The following MYO9A variants were observed in gnomAD, a reference collection of about 807,000 sequenced individuals.
MYO9A encodes myosin IXA.
MYO9A carries 103 observed loss-of-function variants against 293.3 expected under a neutral mutation model. The ratio of observed to expected loss-of-function variants is 0.35; its 90% CI spans 0.30 to 0.41. The LOEUF (loss-of-function observed/expected upper bound fraction) is 0.41, where lower values mean the gene tolerates loss of function less well. Ranked by LOEUF, MYO9A falls within the 10% of genes least tolerant of loss-of-function variation. The pLI is 1.00. For missense variants in MYO9A, 2,685 were observed against 3,033.0 expected (o/e 0.89, Z 2.69); for synonymous variants, 1,001 against 1,035.7 (o/e 0.97, Z 0.64).
rs191490235 is a variant in MYO9A at position 71,994,558 on chromosome 15, T to C, written c.1498A>G (p.Lys500Glu). The C allele has an allele frequency of 5.6e-6, 9 of 1,607,234 alleles. No homozygotes were observed. The Admixed American group carries it at 8.6e-5, about 15-fold the overall frequency. The part of the protein sequence containing the change: ...EAVTVRNSMA[K>E]SLYSALFDWI... The stretch of plus-strand genomic sequence containing the variant: ...TCAAACAGGGCACTATACAGAGACT[T>C]AGCCATGGAGTTCCTCACTGTCACA... The change falls in exon 10 of 42, where the codon AAG becomes GAG. Residue 500 changes from lysine to glutamate, a missense_variant. Coordinates refer to ENST00000356056, the MANE Select transcript of MYO9A (RefSeq NM_006901.4).
At chr15:71,956,330 A>AAAAAAAAATATATATAT (rs10642655) in intron 14 of MYO9A, among the ~76,000 whole-genome samples, 1 of 75,582 alleles carries the variant, frequency 1.3e-5, no homozygotes, top group African/African-American at 6.0e-5. Flanking sequence ...AAAAAAAAAA[A>AAAAAAAAATATATATAT]ATATATATAT....
intron 3 of MYO9A, 121 bp from the exon 4 acceptor site, chr15:72,027,914 T>C (rs1221717127): frequency 4.4e-5 from 31 of 709,818 alleles, no homozygotes; most frequent in South Asian, 3.9e-4. Flanking sequence ...ATATGCGCCA[T>C]TGGCCGGGCG....
At chr15:72,117,586 A>ACGGGG (rs1299520516) in intron 1 of MYO9A, 94 bp downstream of exon 1, 2 of 383,330 alleles carry the variant, frequency 5.2e-6, no homozygotes, top group African/African-American at 4.2e-5. Flanking sequence ...CTCCGCTGGG[A>ACGGGG]CGGGGCGGGG....
chr15:72,068,082 C>T (rs2079074464), intron 1 of MYO9A, among the ~76,000 whole-genome samples: 1 of 152,156 alleles, frequency 6.6e-6, no homozygotes, highest in Non-Finnish European at 1.5e-5. Context: ...TTTCCTTTTA[C>T]TAGTTTAACA....
At chr15:72,024,426 G>A (rs535824479) in intron 4 of MYO9A, among the ~76,000 whole-genome samples, 6 of 152,028 alleles carry the variant, frequency 3.9e-5, no homozygotes, top group Admixed American at 6.6e-5. Flanking sequence ...GACTACAGGC[G>A]TGCATCACCA....
chr15:72,020,760 C>A (rs2077480452), intron 5 of MYO9A, among the ~76,000 whole-genome samples, 158 bp downstream of exon 5: 1 of 152,106 alleles, frequency 6.6e-6, no homozygotes. Flanking sequence ...TAATCATCCT[C>A]AAATTTGAGA....
intron 15 of MYO9A, among the ~76,000 whole-genome samples, chr15:71,944,633 T>C (rs1419157719): frequency 1.3e-5 from 2 of 152,144 alleles, no homozygotes; most frequent in Non-Finnish European, 2.9e-5. Flanking sequence ...ATTATCTTGG[T>C]GCCTTAACAG....
intron 14 of MYO9A, among the ~76,000 whole-genome samples, chr15:71,953,154 T>C (rs1380552155): frequency 2.0e-5 from 3 of 152,216 alleles, no homozygotes; most frequent in Non-Finnish European, 4.4e-5. Context: ...GTTGAATGTT[T>C]CAAAAAGAGA....
chr15:72,025,538 T>G (rs1289960152), intron 4 of MYO9A, among the ~76,000 whole-genome samples: 1 of 152,084 alleles, frequency 6.6e-6, no homozygotes, highest in Admixed American at 6.6e-5. Context: ...TTTCTATACT[T>G]TTAGTTTCAC....
chr15:71,949,295 C>G (rs995179811), intron 15 of MYO9A, among the ~76,000 whole-genome samples: 1 of 152,038 alleles, frequency 6.6e-6, no homozygotes, highest in Non-Finnish European at 1.5e-5. Flanking sequence ...CTCTGCCTCC[C>G]AGGTTCAAGC....
At chr15:71,951,652 C>T in intron 15 of MYO9A, 125 bp downstream of exon 15, 1 of 1,021,866 alleles carries the variant, frequency 9.8e-7, no homozygotes, top group Non-Finnish European at 1.4e-6. Flanking sequence ...TATTCAAAGA[C>T]TGCTCAGAGG....
chr15:71,878,872 T>TC (rs1370778800), intron 30 of MYO9A, among the ~76,000 whole-genome samples: 1 of 150,480 alleles, frequency 6.6e-6, no homozygotes, highest in African/African-American at 2.4e-5. Context: ...TTCTCCTGCC[T>TC]CAGCCTCCCC....
intron 1 of MYO9A, among the ~76,000 whole-genome samples, chr15:72,106,625 G>C (rs575484863): frequency 3.7e-4 from 56 of 149,438 alleles, no homozygotes; most frequent in Non-Finnish European, 6.1e-4. Context: ...TTTTGAAATA[G>C]GGTTTCACTC....
chr15:71,824,582 C>CTT lies in MYO9A; in HGVS notation c.*1997_*1998insAA, dbSNP rs752236138. The CTT allele has an allele frequency of 2.0e-5, 3 of 152,278 alleles. No individual in the cohort carries two copies. The highest frequency in any genetic ancestry group is 4.4e-5 in the Non-Finnish European group (3 of 68,082). The allele number at this position is 152,278 out of a possible 1,614,324, so 9.4% of individuals were successfully genotyped here. A position where few individuals can be genotyped will look rare whatever the true frequency, so the allele number is the denominator to read the frequency against. ...GGGCTGAGGAACCAGCAATCCCACT[C>CTT]TAACACACCATGCTGAGGGGTTTTC... On this transcript the variant is annotated 3_prime_UTR_variant, in exon 42 of 42. Coordinates refer to ENST00000356056, the MANE Select transcript of MYO9A (RefSeq NM_006901.4).
intron 1 of MYO9A, among the ~76,000 whole-genome samples, chr15:72,090,097 T>C (rs1366686758): frequency 3.3e-5 from 5 of 152,320 alleles, no homozygotes; most frequent in African/African-American, 9.6e-5. Context: ...TAGAATTAGA[T>C]AGGTAGCAAG....
intron 12 of MYO9A, among the ~76,000 whole-genome samples, chr15:71,973,389 G>A (rs2076060982): frequency 6.6e-6 from 1 of 152,062 alleles, no homozygotes; most frequent in Non-Finnish European, 1.5e-5. Flanking sequence ...TTACTAAAAT[G>A]GATTATGAGA....
chr15:72,048,731 T>C lies in MYO9A; in HGVS notation c.-71-2097A>G, dbSNP rs565203265. Among the ~76,000 whole-genome samples, 9 of 152,314 alleles carry C rather than the reference T, an allele frequency of 5.9e-5. No homozygotes were observed. In the South Asian group the frequency reaches 1.7e-3, roughly 28 times the overall value. ...TTACACTACCATAAAAATGTTTAAG[T>C]TTGCATGTTTACTATCGTGAAAAAA... On this transcript the variant is annotated intron_variant, in intron 1 of 41. Transcript: ENST00000356056.
intron 39 of MYO9A, among the ~76,000 whole-genome samples, chr15:71,837,836 G>A (rs1263650644): frequency 6.6e-6 from 1 of 152,042 alleles, no homozygotes; most frequent in Non-Finnish European, 1.5e-5. Context: ...TATACCATTG[G>A]TTTTAAAAAT....
chr15:72,017,939 A>G (rs2077391692), intron 6 of MYO9A, among the ~76,000 whole-genome samples: 2 of 152,152 alleles, frequency 1.3e-5, no homozygotes. Flanking sequence ...AAATAAAGCT[A>G]AATTTAGCGG....
Sources: allele counts gnomAD v4.1 joint callset (sites outside exome capture counted in the v4.1 genomes callset), GRCh38; gene constraint gnomAD v4.1.1; transcripts MANE v1.5; gene names NCBI Gene and HGNC (gene_info 2026-07-23, HGNC 2026-07-21).